Variants in PDGFRL observed in about 807,000 individuals in gnomAD.
PDGFRL encodes the protein platelet-derived growth factor receptor-like protein.
PDGFRL carries 46 observed loss-of-function variants against 37.2 expected under a neutral mutation model. The observed-to-expected ratio is 1.24, with a 90% CI of 0.98 to 1.58. The LOEUF (loss-of-function observed/expected upper bound fraction) is 1.58. PDGFRL is among the 40% of genes most tolerant of loss of function. The probability of loss-of-function intolerance (pLI) is 0.00; values close to 1 mark genes in which losing one functional copy is unlikely to be tolerated. For synonymous variants in PDGFRL, 251 were observed against 184.3 expected (o/e 1.36, Z -2.93); for missense variants, 692 against 467.6 (o/e 1.48, Z -4.43).
intron 2 of PDGFRL, among the ~76,000 whole-genome samples, chr8:17,604,851 C>A (rs188894583): frequency 6.6e-6 from 1 of 152,130 alleles, no homozygotes; most frequent in Non-Finnish European, 1.5e-5. Flanking sequence ...TGGTGGCTCA[C>A]GCCTGTAATT....
intron 1 of PDGFRL, among the ~76,000 whole-genome samples, chr8:17,586,285 C>A (rs942568759): frequency 6.6e-6 from 1 of 152,124 alleles, no homozygotes; most frequent in East Asian, 1.9e-4. Flanking sequence ...ATCTCCTCAC[C>A]GAGGGGATCC....
intron 2 of PDGFRL, among the ~76,000 whole-genome samples, chr8:17,601,077 G>C (rs1585310217): frequency 6.6e-6 from 1 of 152,282 alleles, no homozygotes; most frequent in East Asian, 1.9e-4. Flanking sequence ...ATTCCATCCA[G>C]TTGCTCTTGA....
intron 1 of PDGFRL, among the ~76,000 whole-genome samples, chr8:17,581,303 G>A (rs1424189174): frequency 6.6e-6 from 1 of 152,194 alleles, no homozygotes; most frequent in East Asian, 1.9e-4. Flanking sequence ...AGATGGGCTT[G>A]TACCGGTTGC....
chr8:17,628,607 G>T lies in PDGFRL; in HGVS notation c.626G>T (p.Arg209Met), dbSNP rs374043079. 1 of 1,614,186 alleles carries T rather than the reference G, an allele frequency of 6.2e-7. No individual in the cohort carries two copies. The highest frequency in any genetic ancestry group is 2.2e-5 in the East Asian group (1 of 44,866). The change falls in exon 4 of 6, where the codon AGG (arginine) becomes ATG (methionine). Residue 209 changes from arginine (R) to methionine (M), a missense_variant. Arg to Met is a moderately conservative substitution (Grantham distance 91). Coordinates refer to ENST00000251630, the MANE Select transcript of PDGFRL (RefSeq NM_001372073.1). ...CTGTCGGCCAAAGTCACGCTCCACA[G>T]GGAATTCCCAGCCAAGGAGATCCCA... ...TVLSAKVTLHREFPAKEIPAN... is the reference protein window; with the variant it reads ...TVLSAKVTLHMEFPAKEIPAN...
At chr8:17,630,786 G>A (rs1396751645) in intron 4 of PDGFRL, among the ~76,000 whole-genome samples, 2 of 152,160 alleles carry the variant, frequency 1.3e-5, no homozygotes, top group African/African-American at 4.8e-5. Context: ...AGTGACTCCA[G>A]TGGTTTGTCA....
chr8:17,622,743 G>T (rs1017987916), intron 3 of PDGFRL, among the ~76,000 whole-genome samples: 2 of 152,176 alleles, frequency 1.3e-5, no homozygotes, highest in Admixed American at 1.3e-4. Flanking sequence ...CTGAAAGCAG[G>T]TTGCAGGTTG....
At chr8:17,576,716 C>T, upstream of PDGFRL, 1 of 984,658 alleles carries the variant, frequency 1.0e-6, no homozygotes, top group Non-Finnish European at 1.2e-6. Context: ...CCAACTCTGG[C>T]CAGACACAGA....
intron 1 of PDGFRL, among the ~76,000 whole-genome samples, 187 bp from the exon 2 acceptor site, chr8:17,589,281 G>T (rs1231441330): frequency 6.6e-6 from 1 of 152,022 alleles, no homozygotes; most frequent in Admixed American, 6.6e-5. Flanking sequence ...AGCTACTCAG[G>T]GTGCTCAGGC....
intron 1 of PDGFRL, among the ~76,000 whole-genome samples, chr8:17,583,609 C>T (rs1270523924): frequency 1.3e-5 from 2 of 152,150 alleles, no homozygotes; most frequent in Non-Finnish European, 2.9e-5. Flanking sequence ...CTCCTCCTAA[C>T]CTCATGTTGA....
chr8:17,615,394 T>C (rs1036035321), intron 2 of PDGFRL, among the ~76,000 whole-genome samples: 1 of 152,128 alleles, frequency 6.6e-6, no homozygotes, highest in African/African-American at 2.4e-5. Context: ...AATTGCTTCA[T>C]TTCATTTCAT....
intron 2 of PDGFRL, among the ~76,000 whole-genome samples, chr8:17,619,022 C>G (rs966834965): frequency 6.6e-6 from 1 of 152,176 alleles, no homozygotes; most frequent in South Asian, 2.1e-4. Flanking sequence ...GTGGACAAAA[C>G]AAGCTATTCC....
chr8:17,616,784 G>T (rs1804539014), intron 2 of PDGFRL, among the ~76,000 whole-genome samples: 1 of 152,124 alleles, frequency 6.6e-6, no homozygotes, highest in African/African-American at 2.4e-5. Flanking sequence ...GTCCTCTCCA[G>T]CACCTCCCAT....
chr8:17,617,375 C>T (rs1471542901), intron 2 of PDGFRL, among the ~76,000 whole-genome samples: 1 of 152,148 alleles, frequency 6.6e-6, no homozygotes, highest in Admixed American at 6.5e-5. Context: ...CCCCATTCGC[C>T]ACTTTCTCCA....
intron 2 of PDGFRL, among the ~76,000 whole-genome samples, chr8:17,606,905 T>G (rs61067649): frequency 0.014 from 2,012 of 145,104 alleles, 54 homozygotes; most frequent in African/African-American, 0.041. Flanking sequence ...TTTTTTTTTT[T>G]TTTTTTTTGA....
chr8:17,577,812 T>C (rs1471014594), intron 1 of PDGFRL, among the ~76,000 whole-genome samples: 2 of 151,642 alleles, frequency 1.3e-5, no homozygotes, highest in Non-Finnish European at 2.9e-5. Context: ...CACCTTTTGC[T>C]TGAATCCTGC....
intron 1 of PDGFRL, among the ~76,000 whole-genome samples, chr8:17,589,232 A>T (rs1340837464): frequency 6.6e-6 from 1 of 152,082 alleles, no homozygotes; most frequent in African/African-American, 2.4e-5. Context: ...CTAAAAATAC[A>T]AAAATGAGTT....
intron 5 of PDGFRL, among the ~76,000 whole-genome samples, chr8:17,638,716 T>G (rs1429429785): frequency 7.9e-6 from 1 of 125,874 alleles, no homozygotes; most frequent in African/African-American, 2.9e-5. Context: ...TTTTATAAAT[T>G]TGGGAGCTCT....
At chr8:17,593,034 T>C (rs1803976582) in intron 2 of PDGFRL, among the ~76,000 whole-genome samples, 2 of 152,122 alleles carry the variant, frequency 1.3e-5, no homozygotes. Flanking sequence ...CTTATCCTGT[T>C]GTATTAAGAC....
At chr8:17,630,452 C>A (rs905551365) in intron 4 of PDGFRL, among the ~76,000 whole-genome samples, 10 of 152,140 alleles carry the variant, frequency 6.6e-5, no homozygotes, top group South Asian at 6.2e-4. Flanking sequence ...TCGAGTTTCC[C>A]TTTGATATCC....
Sources: gnomAD v4.1 joint callset for allele counts (sites outside exome capture counted in the v4.1 genomes callset) on GRCh38, gnomAD v4.1.1 for gene constraint, MANE v1.5 for transcripts, NCBI Gene and HGNC (gene_info 2026-07-23, HGNC 2026-07-21) for gene names.